The following BICRAL variants were observed in gnomAD, a reference collection of about 807,000 sequenced individuals.
BICRAL encodes BICRA like chromatin remodeling complex associated protein.
A neutral mutation model predicts 91.8 loss-of-function variants in BICRAL; 8 were observed. The ratio of observed to expected loss-of-function variants is 0.09; its 90% CI spans 0.05 to 0.16. The LOEUF is 0.16. Ranked by LOEUF, BICRAL falls within the 10% of genes least tolerant of loss-of-function variation. The probability of loss-of-function intolerance (pLI) is 1.00; values close to 1 mark genes in which losing one functional copy is unlikely to be tolerated. For missense variants in BICRAL, 1,038 were observed against 1,310.9 expected (o/e 0.79, Z 3.21); for synonymous variants, 445 against 491.1 (o/e 0.91, Z 1.24).
At chr6:42,841,813 C>T (rs961483053) in intron 6 of BICRAL, among the ~76,000 whole-genome samples, 3 of 152,206 alleles carry the variant, frequency 2.0e-5, no homozygotes, top group East Asian at 3.8e-4. Flanking sequence ...ATTGTTCCCA[C>T]GTCACAGCAG....
chr6:42,791,595 T>A (rs1055417102), intron 1 of BICRAL, among the ~76,000 whole-genome samples: 1 of 152,220 alleles, frequency 6.6e-6, no homozygotes, highest in Non-Finnish European at 1.5e-5. Flanking sequence ...AACCTTCACC[T>A]TGTTTGAGAC....
At chr6:42,768,123 T>G (rs1180564646) in intron 1 of BICRAL, among the ~76,000 whole-genome samples, 2 of 152,184 alleles carry the variant, frequency 1.3e-5, no homozygotes, top group Admixed American at 1.3e-4. Flanking sequence ...AATGTTTCAC[T>G]GGATAAATGA....
At chr6:42,834,000 A>G (rs1344490223) in intron 6 of BICRAL, among the ~76,000 whole-genome samples, 1 of 151,770 alleles carries the variant, frequency 6.6e-6, no homozygotes, top group Non-Finnish European at 1.5e-5. Context: ...GATTACAGGC[A>G]TGTACCACCA....
At chr6:42,846,325 G>A (rs951963946) in intron 6 of BICRAL, among the ~76,000 whole-genome samples, 12 of 151,808 alleles carry the variant, frequency 7.9e-5, no homozygotes, top group African/African-American at 2.9e-4. Flanking sequence ...CTGAGATCGC[G>A]CCATTGCACT....
chr6:42,848,054 A>T (rs1026995710), intron 6 of BICRAL, among the ~76,000 whole-genome samples: 2 of 151,880 alleles, frequency 1.3e-5, no homozygotes, highest in African/African-American at 2.4e-5. Context: ...GCGTGAACCC[A>T]GGAGGCGGAG....
At chr6:42,768,575 G>C (rs915609235) in intron 1 of BICRAL, among the ~76,000 whole-genome samples, 1 of 152,156 alleles carries the variant, frequency 6.6e-6, no homozygotes, top group African/African-American at 2.4e-5. Flanking sequence ...AGGAATAATC[G>C]TAAGGAAAGG....
At chr6:42,762,755 G>A (rs779189270) in intron 1 of BICRAL, among the ~76,000 whole-genome samples, 14 of 151,930 alleles carry the variant, frequency 9.2e-5, no homozygotes, top group African/African-American at 2.9e-4. Flanking sequence ...ATGATACTTC[G>A]TCTCTACTAA....
intron 2 of BICRAL, among the ~76,000 whole-genome samples, chr6:42,820,759 C>G (rs1764114456): frequency 6.6e-6 from 1 of 152,320 alleles, no homozygotes; most frequent in South Asian, 2.1e-4. Flanking sequence ...CATTTCTCCT[C>G]TCCACTGGAT....
chr6:42,797,031 C>A (rs1397075335), intron 1 of BICRAL, among the ~76,000 whole-genome samples: 1 of 129,648 alleles, frequency 7.7e-6, no homozygotes, highest in Admixed American at 9.3e-5. Context: ...GCAACAAGAG[C>A]GAAACTCTGT....
Position 42,862,495 on chromosome 6 carries a change from C to T in BICRAL, c.2350-15C>T. On this transcript the variant is annotated splice_polypyrimidine_tract_variant and intron_variant, in intron 11 of 12. Coordinates refer to ENST00000314073, the MANE Select transcript of BICRAL (RefSeq NM_001393499.1). ...AAAAATTGTCTATGAAATGACTGGC[C>T]TCTCTCTTTTTCAGCGAATCAATCC... 3 of 1,514,460 alleles carry T rather than the reference C, an allele frequency of 2.0e-6. No homozygotes were observed. Among genetic ancestry groups the T allele is most frequent in the Non-Finnish European group, 2.7e-6 (3 of 1,092,636 alleles). The allele number at this position is 1,514,460 out of a possible 1,614,324, so 93.8% of individuals were successfully genotyped here. A position where few individuals can be genotyped will look rare whatever the true frequency, so the allele number is the denominator to read the frequency against.
chr6:42,779,832 GCTGCTCTTGAACTC>G (rs1199711642), upstream of BICRAL, among the ~76,000 whole-genome samples: 2 of 152,106 alleles, frequency 1.3e-5, no homozygotes, highest in African/African-American at 4.8e-5. Context: ...TGTTGACCAA[GCTGCTCTTGAACTC>G]CTGGCCTCAA....
At chr6:42,802,260 AAAAG>A (rs1235836447) in intron 1 of BICRAL, among the ~76,000 whole-genome samples, 6 of 152,146 alleles carry the variant, frequency 3.9e-5, no homozygotes, top group African/African-American at 9.6e-5. Context: ...GAAAAAAAGA[AAAAG>A]AAAAAGAAAA....
At chr6:42,854,102 T>C (rs1413980621) in intron 8 of BICRAL, among the ~76,000 whole-genome samples, 2 of 152,230 alleles carry the variant, frequency 1.3e-5, no homozygotes, top group Non-Finnish European at 2.9e-5. Context: ...TTAGTTATAC[T>C]GAGGGATTTT....
chr6:42,864,281 G>A lies in BICRAL; in HGVS notation c.2453-378G>A, dbSNP rs192295325. 7.4e-4 allele frequency among the ~76,000 whole-genome samples: 112 copies of A among 152,038 alleles called. 1 individual carries two copies. The highest frequency in any genetic ancestry group is 2.5e-3 in the Admixed American group (38 of 15,262). On this transcript the variant is annotated intron_variant, in intron 12 of 12. Transcript: ENST00000314073. Reference sequence around the variant, plus strand: ...CTTGAACCCGGGAGGCAAAGTTTGCGGTGAGCCAAGATCGTACCACTGCAC... The same window carrying A: ...CTTGAACCCGGGAGGCAAAGTTTGCAGTGAGCCAAGATCGTACCACTGCAC...
At position 42,866,670 on chromosome 6, in the gene BICRAL, C is replaced by G. The variant is rs1765717436; in HGVS notation, c.*1224C>G. 1 of 371,280 alleles carries G rather than the reference C, an allele frequency of 2.7e-6. No homozygotes were observed. Among genetic ancestry groups the G allele is most frequent in the Admixed American group, 3.4e-5 (1 of 29,550 alleles). 23.0% of individuals were successfully genotyped at this position (371,280 alleles called of 1,614,324 possible). On this transcript the variant is annotated 3_prime_UTR_variant, in exon 13 of 13. Transcript: ENST00000314073. The stretch of plus-strand genomic sequence containing the variant: ...AGGAAAGATCTGAGACATGGGATTC[C>G]CATTTGAGAGCCAAAGGATATGCCC...
chr6:42,794,819 G>A (rs1763376164), intron 1 of BICRAL, among the ~76,000 whole-genome samples: 1 of 149,098 alleles, frequency 6.7e-6, no homozygotes, highest in Non-Finnish European at 1.5e-5. Flanking sequence ...AAAATAGCCG[G>A]GCGTGGTGGC....
chr6:42,854,081 ATCTCTTCT>A (rs1321311739), intron 8 of BICRAL, among the ~76,000 whole-genome samples: 1 of 152,218 alleles, frequency 6.6e-6, no homozygotes, highest in Non-Finnish European at 1.5e-5. Context: ...ATCAAAGCGA[ATCTCTTCT>A]TCTTAGTTAT....
At chr6:42,790,757 C>T (rs1271949847) in intron 1 of BICRAL, among the ~76,000 whole-genome samples, 1 of 151,826 alleles carries the variant, frequency 6.6e-6, no homozygotes, top group Admixed American at 6.6e-5. Flanking sequence ...ACGGGTGAAA[C>T]GGCATGATTT....
chr6:42,864,914 C>A lies in BICRAL; in HGVS notation c.2708C>A (p.Ala903Glu). 6.2e-7 allele frequency: 1 copy of A among 1,614,166 alleles called. No individual in the cohort carries two copies. The highest frequency in any genetic ancestry group is 8.5e-7 in the Non-Finnish European group (1 of 1,180,042). The change falls in exon 13 of 13, where the codon GCA becomes GAA. Residue 903 changes from alanine (A) to glutamate (E), a missense_variant. Around this residue, in one of 5 missense-constraint regions of BICRAL, gnomAD observed 294 missense variants for 292.6 expected, o/e 1.00. Transcript: ENST00000314073. ...AAAAAAACAGAATGCCTTGGCAGAG[C>A]ACTGAAATTTGACAAAGTGGGCTTA... is the stretch of plus-strand genomic sequence containing the variant. ...ISKKTECLGR[A>E]LKFDKVGLVQ... is the part of the protein sequence containing the mutation.
Sources: gnomAD v4.1 joint callset for allele counts (sites outside exome capture counted in the v4.1 genomes callset) on GRCh38, gnomAD v4.1.1 for gene constraint, gnomAD v4.1.1 regional missense constraint, MANE v1.5 for transcripts, NCBI Gene and HGNC (gene_info 2026-07-23, HGNC 2026-07-21) for gene names.